ACOT1: variants seen among roughly 807,000 people sequenced by gnomAD.
The protein encoded by ACOT1 is acyl-CoA thioesterase 1.
A neutral mutation model predicts 15.7 loss-of-function variants in ACOT1; 8 were observed. That is an observed-to-expected ratio of 0.51 (90% CI 0.30 to 0.92). The LOEUF (loss-of-function observed/expected upper bound fraction) is 0.92. Among genes scored for constraint, ACOT1 ranks in the 40% least tolerant of loss-of-function variants. The pLI, the probability that ACOT1 is intolerant of heterozygous loss-of-function variation, is 0.06. For missense variants in ACOT1, 151 were observed against 539.4 expected, an observed-to-expected ratio of 0.28 and a Z score of 7.13; for synonymous variants, 67 against 241.2, an observed-to-expected ratio of 0.28 and a Z score of 6.69.
At chr14:73,504,173 G>C in the ACOT1 span, among the ~76,000 whole-genome samples, 1 of 151,222 alleles carries the variant, frequency 6.6e-6, no homozygotes. Flanking sequence ...CGCCTCCTGG[G>C]TTCAAGTGAC....
At chr14:73,504,140 C>T in the ACOT1 span, among the ~76,000 whole-genome samples, 10 of 149,916 alleles carry the variant, frequency 6.7e-5, no homozygotes, top group South Asian at 1.0e-3. Context: ...TGCAATGGCA[C>T]GATCTCGGCT....
the ACOT1 span, chr14:73,517,511 T>C: frequency 6.1e-3 from 933 of 151,794 alleles, 2 homozygotes; most frequent in Middle Eastern, 0.01. Flanking sequence ...ACCTTGTCTT[T>C]ACAAAAATTA....
intron 2 of ACOT1, among the ~76,000 whole-genome samples, chr14:73,542,633 T>C (rs1787455076): frequency 9.1e-6 from 1 of 110,064 alleles, no homozygotes; most frequent in African/African-American, 3.1e-5. Flanking sequence ...CTCGAACTCC[T>C]GACCTCAAAT....
chr14:73,533,882 A>C (rs1296999756), upstream of ACOT1, among the ~76,000 whole-genome samples: 2 of 4,122 alleles, frequency 4.9e-4, no homozygotes, highest in Non-Finnish European at 2.4e-3. Context: ...CCCTGTCTCT[A>C]AAAAAAAAAA....
chr14:73,492,939 AT>A, the ACOT1 span: 1 of 1,611,582 alleles, frequency 6.2e-7, no homozygotes, highest in Non-Finnish European at 8.5e-7. This position sits in a 1 kb window ranked among gnomAD's most constrained non-coding sequence, Gnocchi z 4.9. Context: ...CTAGCCCTAA[AT>A]TAGTTTCTTG....
the ACOT1 span, chr14:73,493,071 T>TCACTGCTTCAGTGTCACAAAC: frequency 6.2e-7 from 1 of 1,613,238 alleles, no homozygotes; most frequent in Admixed American, 1.7e-5. Flanking sequence ...TTTACCTTTA[T>TCACTGCTTCAGTGTCACAAAC]CACTGCTTCA....
the ACOT1 span, among the ~76,000 whole-genome samples, chr14:73,505,439 C>A: frequency 6.6e-6 from 1 of 151,926 alleles, no homozygotes; most frequent in Non-Finnish European, 1.5e-5. Flanking sequence ...CACTGTCGCC[C>A]AGGCTGGAGT....
chr14:73,519,103 A>G, the ACOT1 span: 6 of 1,614,026 alleles, frequency 3.7e-6, no homozygotes, highest in Non-Finnish European at 5.1e-6. Context: ...GTACCGATTT[A>G]GGTTTTCCAG....
chr14:73,514,087 C>T, the ACOT1 span: 3 of 1,614,100 alleles, frequency 1.9e-6, no homozygotes, highest in Non-Finnish European at 8.5e-7. Flanking sequence ...CACCAGTTCC[C>T]AGGTCACATC....
At chr14:73,500,447 T>C in the ACOT1 span, 3 of 1,268,888 alleles carry the variant, frequency 2.4e-6, no homozygotes, top group Admixed American at 2.0e-5. Context: ...CAATCTCTCA[T>C]TCTGTGTCCC....
the ACOT1 span, among the ~76,000 whole-genome samples, chr14:73,524,310 AATATATATATATAT>A: frequency 1.8e-5 from 1 of 54,788 alleles, no homozygotes; most frequent in African/African-American, 8.8e-5. Context: ...AAAAAAAAAA[AATATATATATATAT>A]ATATATATAT....
the ACOT1 span, chr14:73,495,393 T>C: frequency 6.2e-7 from 1 of 1,609,710 alleles, no homozygotes; most frequent in Non-Finnish European, 8.5e-7. Flanking sequence ...TTAATCTAAA[T>C]TAGAACAAAT....
At chr14:73,498,491 T>C in the ACOT1 span, 5 of 649,230 alleles carry the variant, frequency 7.7e-6, no homozygotes, top group Non-Finnish European at 1.3e-5. Flanking sequence ...AATGGGACAT[T>C]ACCTCCAAAG....
At chr14:73,514,143 A>G in the ACOT1 span, 11 of 1,614,022 alleles carry the variant, frequency 6.8e-6, no homozygotes, top group Admixed American at 1.7e-4. Flanking sequence ...TGGTCTTAAT[A>G]GGCACATCCT....
At chr14:73,525,206 T>C in the ACOT1 span, among the ~76,000 whole-genome samples, 1 of 152,106 alleles carries the variant, frequency 6.6e-6, no homozygotes, top group East Asian at 1.9e-4. Context: ...TATCTGTTTT[T>C]TATTTTTAAT....
At chr14:73,492,611 G>T in the ACOT1 span, 3 of 1,613,802 alleles carry the variant, frequency 1.9e-6, no homozygotes, top group Admixed American at 1.7e-5. The surrounding 1 kb of genome is among the most constrained non-coding windows in gnomAD (Gnocchi z 4.9). Context: ...TCGCTGGGAG[G>T]CTGGAGAACC....
At chr14:73,492,997 A>AC in the ACOT1 span, 26 of 1,376,178 alleles carry the variant, frequency 1.9e-5, no homozygotes, top group Non-Finnish European at 2.5e-5. The surrounding 1 kb of genome is among the most constrained non-coding windows in gnomAD (Gnocchi z 4.9). Context: ...TGCCACTGCT[A>AC]CCTTTTTTTT....
chr14:73,524,163 G>A, the ACOT1 span, among the ~76,000 whole-genome samples: 2 of 151,196 alleles, frequency 1.3e-5, no homozygotes, highest in African/African-American at 4.9e-5. Flanking sequence ...GCGGTGGCAT[G>A]TGCCTGTAAT....
At chr14:73,535,711 C>G (rs2140309055), upstream of ACOT1, among the ~76,000 whole-genome samples, 2 of 112,230 alleles carry the variant, frequency 1.8e-5, 1 homozygote. Context: ...GATCTGCTGA[C>G]CTCGTGATCC....
Sources: gnomAD v4.1 joint callset for allele counts (sites outside exome capture counted in the v4.1 genomes callset) on GRCh38, gnomAD v4.1.1 for gene constraint, Gnocchi (gnomAD v3.1) non-coding constraint, MANE v1.5 for transcripts, NCBI Gene and HGNC (gene_info 2026-07-23, HGNC 2026-07-21) for gene names.